GRXCR1: variants seen among roughly 807,000 people sequenced by gnomAD.
GRXCR1 encodes glutaredoxin and cysteine rich domain containing 1.
A neutral mutation model predicts 27.3 loss-of-function variants in GRXCR1; 27 were observed. The observed-to-expected ratio is 0.99, with a 90% CI of 0.73 to 1.37. The LOEUF (loss-of-function observed/expected upper bound fraction) is 1.37. GRXCR1 is among the 40% of genes most tolerant of loss of function. The pLI, the probability that GRXCR1 is intolerant of heterozygous loss-of-function variation, is 0.00. For synonymous variants in GRXCR1, 122 were observed against 131.1 expected (o/e 0.93, Z 0.47); for missense variants, 379 against 354.4 (o/e 1.07, Z -0.56).
At chr4:42,962,808 T>A in intron 1 of GRXCR1, 84 bp from the exon 2 acceptor site, 1 of 1,517,186 alleles carries the variant, frequency 6.6e-7, no homozygotes, top group Non-Finnish European at 9.1e-7. Flanking sequence ...TGCATGGCTT[T>A]AACGCAATTT....
intron 1 of GRXCR1, among the ~76,000 whole-genome samples, chr4:42,923,098 T>C (rs565561909): frequency 8.7e-4 from 132 of 152,232 alleles, no homozygotes; most frequent in African/African-American, 3.1e-3. Flanking sequence ...TGAATGATTC[T>C]CTTGGACTTC....
intron 1 of GRXCR1, among the ~76,000 whole-genome samples, chr4:42,908,383 C>T (rs1384800670): frequency 6.6e-6 from 1 of 152,132 alleles, no homozygotes; most frequent in Non-Finnish European, 1.5e-5. Context: ...GTAGCTATCT[C>T]CTGCATCTTG....
chr4:42,991,323 C>A (rs1335167962), intron 2 of GRXCR1, among the ~76,000 whole-genome samples: 1 of 151,808 alleles, frequency 6.6e-6, no homozygotes, highest in African/African-American at 2.4e-5. Context: ...AGAACTTAAC[C>A]CATTTATATT....
chr4:42,995,192 G>T (rs557781863), intron 2 of GRXCR1, among the ~76,000 whole-genome samples: 2 of 152,132 alleles, frequency 1.3e-5, no homozygotes, highest in South Asian at 4.2e-4. Context: ...TGTGTCCAGC[G>T]TTGGGGTTCA....
At chr4:42,917,749 G>T (rs1462953138) in intron 1 of GRXCR1, among the ~76,000 whole-genome samples, 1 of 152,084 alleles carries the variant, frequency 6.6e-6, no homozygotes, top group African/African-American at 2.4e-5. Flanking sequence ...ATGAACGGGG[G>T]CTATTAAGTA....
At chr4:42,911,123 A>G (rs139310112) in intron 1 of GRXCR1, among the ~76,000 whole-genome samples, 4 of 152,286 alleles carry the variant, frequency 2.6e-5, no homozygotes, top group African/African-American at 9.6e-5. Flanking sequence ...CTAGCATAGT[A>G]CTTGGCTACA....
chr4:42,917,865 T>A (rs1452243925), intron 1 of GRXCR1, among the ~76,000 whole-genome samples: 5 of 152,076 alleles, frequency 3.3e-5, no homozygotes, highest in African/African-American at 4.8e-5. Context: ...ACATTTAGTT[T>A]TTCAATATTA....
intron 2 of GRXCR1, among the ~76,000 whole-genome samples, chr4:42,969,682 T>A (rs1748337408): frequency 6.6e-6 from 1 of 151,992 alleles, no homozygotes; most frequent in African/African-American, 2.4e-5. Flanking sequence ...TCACCTCCCA[T>A]CAGGTCCCTC....
At chr4:42,990,337 G>A (rs1003259863) in intron 2 of GRXCR1, among the ~76,000 whole-genome samples, 2 of 149,032 alleles carry the variant, frequency 1.3e-5, no homozygotes, top group East Asian at 3.9e-4. Flanking sequence ...GACTACAGGC[G>A]CCCGCCACTA....
chr4:42,969,353 T>G (rs1748326536), intron 2 of GRXCR1, among the ~76,000 whole-genome samples: 1 of 152,144 alleles, frequency 6.6e-6, no homozygotes, highest in Non-Finnish European at 1.5e-5. Flanking sequence ...AAGAACTACC[T>G]GAGACTGGGT....
At chr4:43,021,688 G>A (rs1346595274) in intron 3 of GRXCR1, among the ~76,000 whole-genome samples, 2 of 152,162 alleles carry the variant, frequency 1.3e-5, no homozygotes, top group Non-Finnish European at 1.5e-5. Flanking sequence ...AGACATTGTG[G>A]TTCAATGAGG....
At chr4:42,950,919 TTCTC>T (rs371100995) in intron 1 of GRXCR1, among the ~76,000 whole-genome samples, 1,698 of 150,892 alleles carry the variant, frequency 0.011, 15 homozygotes, top group African/African-American at 0.012. Context: ...ATGTCTATAT[TTCTC>T]TCTCTCTCTC....
At chr4:42,981,512 T>C (rs1188194093) in intron 2 of GRXCR1, among the ~76,000 whole-genome samples, 2 of 152,236 alleles carry the variant, frequency 1.3e-5, no homozygotes, top group Non-Finnish European at 2.9e-5. Context: ...CTGAATTTCA[T>C]GTATACTTTT....
At chr4:42,994,666 G>C (rs377122188) in intron 2 of GRXCR1, among the ~76,000 whole-genome samples, 40 of 152,104 alleles carry the variant, frequency 2.6e-4, no homozygotes, top group African/African-American at 9.4e-4. Flanking sequence ...AAGAGGAATA[G>C]GGTCTCTGAG....
intron 1 of GRXCR1, among the ~76,000 whole-genome samples, chr4:42,934,904 T>C (rs1015488283): frequency 8.6e-5 from 13 of 151,988 alleles, no homozygotes; most frequent in African/African-American, 3.1e-4. Context: ...CTCTGAAGTT[T>C]AGTAAACTAT....
intron 2 of GRXCR1, among the ~76,000 whole-genome samples, chr4:42,973,329 A>G (rs111774598): frequency 2.0e-5 from 3 of 152,204 alleles, no homozygotes; most frequent in African/African-American, 4.8e-5. Context: ...ATATCTTGTT[A>G]GTTTTCTATT....
At chr4:42,904,906 G>A (rs1746551618) in intron 1 of GRXCR1, among the ~76,000 whole-genome samples, 1 of 152,132 alleles carries the variant, frequency 6.6e-6, no homozygotes, top group African/African-American at 2.4e-5. Flanking sequence ...TGGGACATCT[G>A]ACCCAATTCT....
chr4:42,991,388 T>C (rs1036205431), intron 2 of GRXCR1, among the ~76,000 whole-genome samples: 2 of 151,954 alleles, frequency 1.3e-5, no homozygotes, highest in Non-Finnish European at 2.9e-5. Flanking sequence ...TTGTGCTTTG[T>C]GTTTTTCAAG....
At chr4:42,937,340 G>T (rs1207582466) in intron 1 of GRXCR1, among the ~76,000 whole-genome samples, 4 of 137,912 alleles carry the variant, frequency 2.9e-5, no homozygotes, top group African/African-American at 5.9e-5. Flanking sequence ...GGCTCACCTT[G>T]TGTTTTTTTT....
Sources: gnomAD v4.1 joint callset for allele counts (sites outside exome capture counted in the v4.1 genomes callset) on GRCh38, gnomAD v4.1.1 for gene constraint, MANE v1.5 for transcripts, NCBI Gene and HGNC (gene_info 2026-07-23, HGNC 2026-07-21) for gene names.